Variants in MMP17 observed in about 807,000 individuals in gnomAD.
MMP17 encodes the protein matrix metallopeptidase 17.
A neutral mutation model predicts 49.1 loss-of-function variants in MMP17; 54 were observed. The ratio of observed to expected loss-of-function variants is 1.10; its 90% CI spans 0.88 to 1.38. The LOEUF is 1.38. MMP17 is among the 40% of genes most tolerant of loss of function. The probability of loss-of-function intolerance (pLI) is 0.00; values close to 1 mark genes in which losing one functional copy is unlikely to be tolerated. For missense variants in MMP17, 837 were observed against 853.7 expected (o/e 0.98, Z 0.24); for synonymous variants, 397 against 383.1 (o/e 1.04, Z -0.42).
intron 2 of MMP17, 51 bp downstream of exon 2, chr12:131,838,378 G>C (rs368311307): frequency 1.9e-6 from 3 of 1,593,908 alleles, no homozygotes; most frequent in Non-Finnish European, 2.6e-6. Flanking sequence ...TCAGGTCTGC[G>C]CCCGTCGGCC....
chr12:131,841,845 G>A (rs747625590), intron 5 of MMP17, 45 bp downstream of exon 5: 8 of 1,514,038 alleles, frequency 5.3e-6, no homozygotes, highest in Admixed American at 2.0e-5. Context: ...TGGAAGAGGG[G>A]TCAGAAACCC....
chr12:131,837,803 T>A (rs1243661777), intron 1 of MMP17, among the ~76,000 whole-genome samples: 1 of 152,216 alleles, frequency 6.6e-6, no homozygotes, highest in South Asian at 2.1e-4. Flanking sequence ...CTCCGCCTCC[T>A]GGGTTCCCAC....
intron 1 of MMP17, among the ~76,000 whole-genome samples, chr12:131,834,282 C>T (rs1307325491): frequency 6.6e-6 from 1 of 151,992 alleles, no homozygotes; most frequent in African/African-American, 2.4e-5. Flanking sequence ...CCTCCCGCCT[C>T]CTCCCTCCTC....
intron 9 of MMP17, 70 bp from the exon 10 acceptor site, chr12:131,850,855 C>T: frequency 1.6e-6 from 2 of 1,246,212 alleles, no homozygotes; most frequent in Middle Eastern, 2.0e-4. Flanking sequence ...AACGCTCCCT[C>T]CTCGCTGTCC....
chr12:131,845,030 CCGCTCAGGTCAGGGG>C, intron 6 of MMP17, 73 bp from the exon 7 acceptor site: 3 of 1,354,518 alleles, frequency 2.2e-6, no homozygotes, highest in East Asian at 2.3e-5. Context: ...CTGTCCCATG[CCGCTCAGGTCAGGGG>C]CTCTGCCGCA....
At chr12:131,847,397 A>G (rs1887765830) in intron 8 of MMP17, among the ~76,000 whole-genome samples, 3 of 149,416 alleles carry the variant, frequency 2.0e-5, no homozygotes, top group African/African-American at 5.0e-5. Context: ...TGGGTGACAG[A>G]GCGAGACTCC....
At chr12:131,843,891 T>C (rs1407271229) in intron 5 of MMP17, 106 bp from the exon 6 acceptor site, 2 of 780,776 alleles carry the variant, frequency 2.6e-6, no homozygotes, top group Non-Finnish European at 2.0e-6. Context: ...AGAGCCTGTC[T>C]GCTGAGTGGC....
rs768648383 is a variant in MMP17, at chr12:131,838,157, CCTCTGTTGCACCCCCTCA to C, written c.160-36_160-19del. ...GGCTTCTCACTGGGTAGGACCGGGC[CCTCTGTTGCACCCCCTCA>C]CCCTGCTCTCTGCCCTCAGGAGTGG... On this transcript the variant is annotated intron_variant, in intron 1 of 9. Transcript: ENST00000360564. The C allele has an allele frequency of 6.4e-7, 1 of 1,574,312 alleles. No homozygotes were observed. Among genetic ancestry groups the C allele is most frequent in the South Asian group, 1.2e-5 (1 of 86,224 alleles).
chr12:131,842,047 G>A (rs1416166376), intron 5 of MMP17, among the ~76,000 whole-genome samples: 2 of 152,328 alleles, frequency 1.3e-5, no homozygotes, highest in Admixed American at 6.5e-5. Context: ...AGGGTTGATG[G>A]CGTCCCAGGC....
rs1200789457 is a variant in MMP17 at position 131,838,181 on chromosome 12, C to G, written c.160-14C>G. Reference sequence around the variant, plus strand: ...CCCTCTGTTGCACCCCCTCACCCTGCTCTCTGCCCTCAGGAGTGGCTAAGC... The same window carrying G: ...CCCTCTGTTGCACCCCCTCACCCTGGTCTCTGCCCTCAGGAGTGGCTAAGC... On this transcript the variant is annotated splice_polypyrimidine_tract_variant and intron_variant, in intron 1 of 9. Coordinates refer to ENST00000360564, the MANE Select transcript of MMP17 (RefSeq NM_016155.7). 6.2e-7 allele frequency: 1 copy of G among 1,608,176 alleles called. No individual in the cohort carries two copies. The highest frequency in any genetic ancestry group is 8.5e-7 in the Non-Finnish European group (1 of 1,177,296).
Position 131,845,411 on chromosome 12 carries a change from A to G in MMP17, c.1166A>G (p.Tyr389Cys). The change falls in exon 8 of 10, where the codon TAC (tyrosine) becomes TGC (cysteine). Residue 389 changes from tyrosine to cysteine, a missense_variant. Tyr to Cys is a radical substitution (Grantham distance 194). Coordinates refer to ENST00000360564, the MANE Select transcript of MMP17 (RefSeq NM_016155.7). ...PLHLDSVDAVYERTSDHKIVF... is the reference protein window; with the variant it reads ...PLHLDSVDAVCERTSDHKIVF... ...CACCTGGACAGCGTGGACGCCGTGT[A>G]CGAGCGCACCAGCGACCACAAGATC... 1.9e-6 allele frequency: 3 copies of G among 1,584,458 alleles called. No individual in the cohort carries two copies. The South Asian group carries it at 3.3e-5, about 17-fold the overall frequency.
Position 131,850,952 on chromosome 12 carries a change from A to G in MMP17, c.1490A>G (p.Glu497Gly). The stretch of plus-strand genomic sequence containing the variant: ...GCCTCCTACTTCTTCCGTGGCCAGG[A>G]GTACTGGAAAGTGCTGGATGGCGAG... ...DGASYFFRGQ[E>G]YWKVLDGELE... Residue 497 changes from glutamate to glycine, a missense_variant, in exon 10 of 10, where the codon GAG becomes GGG. Physicochemically the swap from Glu to Gly is moderately conservative, Grantham distance 98. Transcript: ENST00000360564. 6.7e-7 allele frequency: 1 copy of G among 1,499,524 alleles called. No individual in the cohort carries two copies. Among genetic ancestry groups the G allele is most frequent in the Non-Finnish European group, 8.9e-7 (1 of 1,124,022 alleles). The allele number at this position is 1,499,524 out of a possible 1,614,324, so 92.9% of individuals were successfully genotyped here. A position where few individuals can be genotyped will look rare whatever the true frequency, so the allele number is the denominator to read the frequency against.
At chr12:131,850,179 C>G (rs1400232100) in intron 9 of MMP17, 120 bp downstream of exon 9, 5 of 1,349,154 alleles carry the variant, frequency 3.7e-6, no homozygotes, top group Non-Finnish European at 4.9e-6. Context: ...GGTGTGGGCT[C>G]TGAGGGTCCC....
chr12:131,830,923 C>T (rs1886760156), intron 1 of MMP17, among the ~76,000 whole-genome samples: 1 of 152,194 alleles, frequency 6.6e-6, no homozygotes, highest in Non-Finnish European at 1.5e-5. Flanking sequence ...AGTTTTTTGT[C>T]TTTCTGTGTT....
At chr12:131,841,476 T>C in intron 4 of MMP17, 148 bp from the exon 5 acceptor site, 1 of 831,410 alleles carries the variant, frequency 1.2e-6, no homozygotes, top group South Asian at 1.6e-5. Context: ...TCGCGTTAAT[T>C]CCCAGTAACC....
chr12:131,833,911 A>G (rs1355313063), intron 1 of MMP17, among the ~76,000 whole-genome samples: 1 of 152,204 alleles, frequency 6.6e-6, no homozygotes, highest in Non-Finnish European at 1.5e-5. Flanking sequence ...AAACTCCCCA[A>G]AAACCATAAA....
rs79835490 is a variant in MMP17 at position 131,829,462 on chromosome 12, C to G, written c.159+809C>G. Among the ~76,000 whole-genome samples, 1,262 of 152,042 alleles carry G rather than the reference C, an allele frequency of 8.3e-3. 59 individuals are homozygous for G. The East Asian group carries it at 0.14, about 17-fold the overall frequency. ...CACACGTCGTGGGGTCAGCGCCCCC[C>G]CGCTGGGGCGGCCGGGTGAACTCCC... On this transcript the variant is annotated intron_variant, in intron 1 of 9. Transcript: ENST00000360564.
chr12:131,838,530 G>A, intron 2 of MMP17, 82 bp from the exon 3 acceptor site: 7 of 1,517,532 alleles, frequency 4.6e-6, no homozygotes, highest in South Asian at 1.3e-5. Flanking sequence ...CCAGAGTCAG[G>A]GCTCCCACCC....
chr12:131,831,634 G>A (rs191241244), intron 1 of MMP17, among the ~76,000 whole-genome samples: 1 of 151,168 alleles, frequency 6.6e-6, no homozygotes, highest in African/African-American at 2.4e-5. Flanking sequence ...CTTGCTCCGC[G>A]GTCCCCTTCT....
Sources: allele counts gnomAD v4.1 joint callset (sites outside exome capture counted in the v4.1 genomes callset), GRCh38; gene constraint gnomAD v4.1.1; transcripts MANE v1.5; gene names NCBI Gene and HGNC (gene_info 2026-07-23, HGNC 2026-07-21).